Variants in CCSER1 observed in about 807,000 individuals in gnomAD.
CCSER1 encodes coiled-coil serine rich protein 1.
A neutral mutation model predicts 82.0 loss-of-function variants in CCSER1; 41 were observed. The ratio of observed to expected loss-of-function variants is 0.50; its 90% CI spans 0.39 to 0.65. The LOEUF (loss-of-function observed/expected upper bound fraction) is 0.65. Among genes scored for constraint, CCSER1 ranks in the 30% least tolerant of loss-of-function variants. The pLI, the probability that CCSER1 is intolerant of heterozygous loss-of-function variation, is 0.00. For synonymous variants in CCSER1, 414 were observed against 383.9 expected (o/e 1.08, Z -0.92); for missense variants, 1,119 against 1,064.2 (o/e 1.05, Z -0.72).
At chr4:91,178,355 C>T (rs1397171397) in intron 10 of CCSER1, among the ~76,000 whole-genome samples, 1 of 151,820 alleles carries the variant, frequency 6.6e-6, no homozygotes, top group Non-Finnish European at 1.5e-5. Context: ...AGTTCAATTC[C>T]TGGATATCCT....
rs954687074 is a variant in CCSER1 at position 91,014,273 on chromosome 4, C to A, written c.2173-71677C>A. On this transcript the variant is annotated intron_variant, in intron 9 of 10. Transcript: ENST00000509176. ...TCTTTTAAATGTAGATTAAAGCTTT[C>A]CAACATTGACATATGAAAATTAAAA... 2.2e-5 allele frequency among the ~76,000 whole-genome samples: 3 copies of A among 134,146 alleles called. 1 individual carries two copies. The highest frequency in any genetic ancestry group is 5.2e-5 in the Non-Finnish European group (3 of 57,752). 88.0% of individuals were successfully genotyped at this position (134,146 alleles called of 152,430 possible). A position where few individuals can be genotyped will look rare whatever the true frequency, so the allele number is the denominator to read the frequency against.
chr4:91,494,915 C>T lies in CCSER1; in HGVS notation c.2218-103657C>T, dbSNP rs148671823. 5.4e-3 allele frequency among the ~76,000 whole-genome samples: 813 copies of T among 151,670 alleles called. 7 individuals are homozygous for T. Among genetic ancestry groups the T allele is most frequent in the African/African-American group, 0.018 (754 of 41,452 alleles). On this transcript the variant is annotated intron_variant, in intron 10 of 10. Transcript: ENST00000509176. ...TTAATTTTATTTTATTATACTTCTA[C>T]GCAGCATTCCATAGGAGGATTCCTT... is the stretch of plus-strand genomic sequence containing the variant.
intron 6 of CCSER1, among the ~76,000 whole-genome samples, chr4:90,704,628 G>T (rs567949049): frequency 2.6e-5 from 4 of 152,170 alleles, no homozygotes; most frequent in Admixed American, 2.6e-4. Context: ...ACCTAGATTT[G>T]GTCTTTTCAC....
chr4:90,786,831 G>T (rs1360486827), intron 7 of CCSER1, among the ~76,000 whole-genome samples: 1 of 152,120 alleles, frequency 6.6e-6, no homozygotes, highest in African/African-American at 2.4e-5. Flanking sequence ...AATAGATTGG[G>T]GGCTCATTCC....
intron 10 of CCSER1, among the ~76,000 whole-genome samples, chr4:91,389,225 A>T (rs1311052956): frequency 6.6e-6 from 1 of 151,626 alleles, no homozygotes; most frequent in Non-Finnish European, 1.5e-5. Flanking sequence ...ATCTATTTTG[A>T]GTTAATTTTT....
intron 10 of CCSER1, among the ~76,000 whole-genome samples, chr4:91,471,834 G>T (rs150375693): frequency 0.016 from 2,439 of 151,816 alleles, 43 homozygotes; most frequent in African/African-American, 0.054. Context: ...GCCGGGCATA[G>T]TGGCGGGCGC....
At chr4:91,557,440 A>G (rs1762457507) in intron 10 of CCSER1, among the ~76,000 whole-genome samples, 1 of 151,454 alleles carries the variant, frequency 6.6e-6, no homozygotes, top group South Asian at 2.1e-4. Flanking sequence ...GCAGGCACCT[A>G]CTGAACTTGG....
At chr4:91,477,822 T>C (rs1344270305) in intron 10 of CCSER1, among the ~76,000 whole-genome samples, 1 of 151,764 alleles carries the variant, frequency 6.6e-6, no homozygotes, top group Non-Finnish European at 1.5e-5. Flanking sequence ...AACAATGGCT[T>C]GGGTAGTATA....
At chr4:91,360,559 C>G (rs370853692) in intron 10 of CCSER1, among the ~76,000 whole-genome samples, 5 of 151,800 alleles carry the variant, frequency 3.3e-5, no homozygotes, top group African/African-American at 1.2e-4. Flanking sequence ...AGACCCATCT[C>G]TTCCCCAATC....
intron 3 of CCSER1, among the ~76,000 whole-genome samples, chr4:90,360,883 CTTTAG>C (rs373927508): frequency 1.7e-3 from 260 of 152,234 alleles, no homozygotes; most frequent in African/African-American, 6.0e-3. Context: ...CAGTACTCAA[CTTTAG>C]TTTATTTTAT....
intron 3 of CCSER1, among the ~76,000 whole-genome samples, chr4:90,386,329 G>T (rs1382705798): frequency 6.6e-6 from 1 of 152,078 alleles, no homozygotes; most frequent in Non-Finnish European, 1.5e-5. Flanking sequence ...ACAGAATAGA[G>T]AATCCAGAAA....
chr4:90,479,403 A>C (rs1377328551), intron 5 of CCSER1, among the ~76,000 whole-genome samples: 1 of 151,926 alleles, frequency 6.6e-6, no homozygotes, highest in African/African-American at 2.4e-5. Context: ...TTATACTTTA[A>C]GTTTTAGGGT....
At chr4:90,178,896 A>C (rs570947612) in intron 1 of CCSER1, among the ~76,000 whole-genome samples, 47 of 152,312 alleles carry the variant, frequency 3.1e-4, no homozygotes, top group African/African-American at 1.1e-3. Context: ...GGATGAATAA[A>C]TATTAATCTT....
intron 8 of CCSER1, among the ~76,000 whole-genome samples, chr4:90,863,929 A>G (rs1357226367): frequency 6.7e-6 from 1 of 150,062 alleles, no homozygotes; most frequent in African/African-American, 2.4e-5. Flanking sequence ...TTTCTACTTT[A>G]TTCAATTCTA....
At chr4:90,737,400 A>G (rs1268176466) in intron 7 of CCSER1, among the ~76,000 whole-genome samples, 1 of 152,102 alleles carries the variant, frequency 6.6e-6, no homozygotes, top group Non-Finnish European at 1.5e-5. Context: ...ATTCTAGGAT[A>G]TAGGTTTTAT....
At chr4:90,994,888 T>C (rs986386692) in intron 9 of CCSER1, among the ~76,000 whole-genome samples, 1 of 152,204 alleles carries the variant, frequency 6.6e-6, no homozygotes, top group Non-Finnish European at 1.5e-5. Flanking sequence ...CTTTTCATGT[T>C]GTGCATGACC....
intron 10 of CCSER1, among the ~76,000 whole-genome samples, chr4:91,303,990 T>C (rs1744863666): frequency 6.6e-6 from 1 of 152,144 alleles, no homozygotes; most frequent in Admixed American, 6.6e-5. Context: ...ACACATTTGT[T>C]GAGAAAAGCC....
intron 5 of CCSER1, among the ~76,000 whole-genome samples, chr4:90,497,072 T>C (rs181591319): frequency 6.6e-6 from 1 of 152,102 alleles, no homozygotes; most frequent in Non-Finnish European, 1.5e-5. Context: ...CATTATTTAT[T>C]TGTTATGATT....
chr4:91,260,194 T>G (rs560808789), intron 10 of CCSER1, among the ~76,000 whole-genome samples: 3 of 152,168 alleles, frequency 2.0e-5, no homozygotes, highest in Non-Finnish European at 4.4e-5. Flanking sequence ...CACTTTCTCC[T>G]TAAAAATAAT....
Sources: gnomAD v4.1 joint callset for allele counts (sites outside exome capture counted in the v4.1 genomes callset) on GRCh38, gnomAD v4.1.1 for gene constraint, MANE v1.5 for transcripts, NCBI Gene and HGNC (gene_info 2026-07-23, HGNC 2026-07-21) for gene names.